Variants in TEK observed in about 807,000 individuals in gnomAD.
The protein encoded by TEK is angiopoietin-1 receptor.
A neutral mutation model predicts 131.8 loss-of-function variants in TEK; 43 were observed. That is an observed-to-expected ratio of 0.33 (90% CI 0.26 to 0.42). The LOEUF (loss-of-function observed/expected upper bound fraction) is 0.42. Ranked by LOEUF, TEK falls within the 10% of genes least tolerant of loss-of-function variation. The pLI is 1.00. For synonymous variants in TEK, 580 were observed against 491.6 expected, an observed-to-expected ratio of 1.18 and a Z score of -2.38; for missense variants, 1,162 against 1,384.4, an observed-to-expected ratio of 0.84 and a Z score of 2.55.
At position 27,229,295 on chromosome 9, in the gene TEK, T is replaced by C. The variant is rs1440829382; in HGVS notation, c.*63T>C. The stretch of plus-strand genomic sequence containing the variant: ...GGCATGGGAGACCCTTGACACCTGC[T>C]GAGAAAACATGCCTCTGCCAAAGGA... On this transcript the variant is annotated 3_prime_UTR_variant, in exon 23 of 23. Coordinates refer to ENST00000380036, the MANE Select transcript of TEK (RefSeq NM_000459.5). 3 of 1,476,296 alleles carry C rather than the reference T, an allele frequency of 2.0e-6. No individual in the cohort carries two copies. In the East Asian group the frequency reaches 6.8e-5, roughly 33 times the overall value. 91.4% of individuals were successfully genotyped at this position (1,476,296 alleles called of 1,614,324 possible).
chr9:27,127,194 G>A (rs1359058524), intron 1 of TEK, among the ~76,000 whole-genome samples: 1 of 152,086 alleles, frequency 6.6e-6, no homozygotes, highest in Non-Finnish European at 1.5e-5. Flanking sequence ...TGTTCTCATT[G>A]TTCAGCTCCC....
At chr9:27,181,220 T>A (rs1392563334) in intron 7 of TEK, among the ~76,000 whole-genome samples, 1 of 152,224 alleles carries the variant, frequency 6.6e-6, no homozygotes, top group Non-Finnish European at 1.5e-5. Context: ...AATAACATAG[T>A]CAATTAACAC....
At chr9:27,154,530 A>G (rs557590340) in intron 1 of TEK, among the ~76,000 whole-genome samples, 19 of 152,256 alleles carry the variant, frequency 1.2e-4, no homozygotes, top group African/African-American at 4.3e-4. Context: ...TGCCCCAACT[A>G]CCCAGTTCCC....
intron 21 of TEK, among the ~76,000 whole-genome samples, chr9:27,223,131 T>G (rs1000497380): frequency 6.6e-6 from 1 of 151,966 alleles, no homozygotes; most frequent in Non-Finnish European, 1.5e-5. Context: ...TAAAGCAAGT[T>G]CTTAGAGAAC....
intron 12 of TEK, among the ~76,000 whole-genome samples, chr9:27,199,011 G>T (rs141529771): frequency 9.0e-4 from 137 of 152,158 alleles, no homozygotes; most frequent in African/African-American, 3.2e-3. Context: ...TGTTGCCCAG[G>T]CTGGTCTGGA....
rs777203036 is a variant in TEK, at chr9:27,197,614, C to G, written c.1909+15C>G. Reference sequence around the variant, plus strand: ...CCTTAGTGACAGTAAGTAATTCATGCTGCTCCAGCCTCATCTGAGCAATAA... The same window carrying G: ...CCTTAGTGACAGTAAGTAATTCATGGTGCTCCAGCCTCATCTGAGCAATAA... On this transcript the variant is annotated intron_variant, in intron 12 of 22. Coordinates refer to ENST00000380036, the MANE Select transcript of TEK (RefSeq NM_000459.5). The G allele has an allele frequency of 1.2e-6, 2 of 1,613,544 alleles. No homozygotes were observed. The highest frequency in any genetic ancestry group is 1.7e-6 in the Non-Finnish European group (2 of 1,179,826).
At chr9:27,213,433 C>T (rs767747959) in intron 17 of TEK, 51 bp from the exon 18 acceptor site, 1 of 1,382,548 alleles carries the variant, frequency 7.2e-7, no homozygotes, top group East Asian at 2.3e-5. Context: ...AAGTTTTCAG[C>T]CCTGGGGCTT....
intron 1 of TEK, among the ~76,000 whole-genome samples, chr9:27,119,138 A>G (rs1374710790): frequency 6.6e-6 from 1 of 152,160 alleles, no homozygotes; most frequent in African/African-American, 2.4e-5. Context: ...GACTGACCAC[A>G]TGTCTCAGTA....
chr9:27,137,280 G>A (rs958496534), intron 1 of TEK, among the ~76,000 whole-genome samples: 1 of 152,090 alleles, frequency 6.6e-6, no homozygotes, highest in Non-Finnish European at 1.5e-5. Context: ...ATTTCACATT[G>A]TGCTATTACA....
chr9:27,214,123 C>A (rs895737419), intron 18 of TEK, among the ~76,000 whole-genome samples: 1 of 152,194 alleles, frequency 6.6e-6, no homozygotes, highest in Non-Finnish European at 1.5e-5. Flanking sequence ...CTCTCCCAAA[C>A]AGTAATATTT....
chr9:27,190,474 C>T (rs1824776025), intron 9 of TEK, 55 bp from the exon 10 acceptor site: 2 of 1,607,924 alleles, frequency 1.2e-6, no homozygotes, highest in South Asian at 2.2e-5. Context: ...TACCTAAGAA[C>T]AATCACAAAA....
intron 12 of TEK, 68 bp downstream of exon 12, chr9:27,197,667 A>G: frequency 6.3e-7 from 1 of 1,589,738 alleles, no homozygotes; most frequent in Non-Finnish European, 8.6e-7. Context: ...GACTTAGCTA[A>G]CATCACTGCA....
chr9:27,201,617 C>G (rs141071513), intron 12 of TEK, among the ~76,000 whole-genome samples: 10 of 152,142 alleles, frequency 6.6e-5, no homozygotes, highest in Non-Finnish European at 1.5e-4. Flanking sequence ...TTGGAAGGTT[C>G]TAAATCCAAT....
chr9:27,180,464 A>G (rs1341719662), intron 7 of TEK, 96 bp downstream of exon 7: 1 of 1,521,610 alleles, frequency 6.6e-7, no homozygotes, highest in Non-Finnish European at 8.9e-7. Context: ...AAGATCCTCA[A>G]GCCTCTTTTG....
chr9:27,189,949 C>A (rs912505861), intron 9 of TEK, among the ~76,000 whole-genome samples: 1 of 152,028 alleles, frequency 6.6e-6, no homozygotes, highest in South Asian at 2.1e-4. Flanking sequence ...GAGTAATAAC[C>A]CCTAAAAATC....
chr9:27,123,552 A>G lies in TEK; in HGVS notation c.52+13910A>G, dbSNP rs182754516. ...GAATACTGGAACTGTCAGAGACATA[A>G]AAGATTATCTAGCCCAGTGTTTCTG... On this transcript the variant is annotated intron_variant, in intron 1 of 22. Transcript: ENST00000380036. Among the ~76,000 whole-genome samples the G allele has an allele frequency of 9.6e-4, 147 of 152,344 alleles. 1 individual carries two copies. Among genetic ancestry groups the G allele is most frequent in the African/African-American group, 3.4e-3 (142 of 41,582 alleles).
intron 1 of TEK, among the ~76,000 whole-genome samples, chr9:27,141,835 G>T (rs1201470487): frequency 2.0e-5 from 3 of 152,072 alleles, no homozygotes; most frequent in African/African-American, 7.2e-5. Flanking sequence ...AAAATCCTTT[G>T]TTTTCTTTAA....
chr9:27,225,334 A>T (rs1049833519), intron 21 of TEK, among the ~76,000 whole-genome samples: 1 of 152,346 alleles, frequency 6.6e-6, no homozygotes, highest in Admixed American at 6.5e-5. Flanking sequence ...ACCTGACTTC[A>T]AACTATACTA....
At chr9:27,217,614 CA>C in intron 18 of TEK, 73 bp from the exon 19 acceptor site, 1 of 1,347,188 alleles carries the variant, frequency 7.4e-7, no homozygotes, top group Non-Finnish European at 1.1e-6. Context: ...TTTGTGGAGC[CA>C]CAGCTCAGGC....
Sources: gnomAD v4.1 joint callset for allele counts (sites outside exome capture counted in the v4.1 genomes callset) on GRCh38, gnomAD v4.1.1 for gene constraint, MANE v1.5 for transcripts, NCBI Gene and HGNC (gene_info 2026-07-23, HGNC 2026-07-21) for gene names.